RUNX2: variants seen among roughly 807,000 people sequenced by gnomAD.
RUNX2 encodes the protein RUNX family transcription factor 2.
RUNX2 carries 10 observed loss-of-function variants against 51.7 expected under a neutral mutation model. The observed-to-expected ratio is 0.19, with a 90% CI of 0.12 to 0.33. The LOEUF (loss-of-function observed/expected upper bound fraction) is 0.33. Ranked by LOEUF, RUNX2 falls within the 10% of genes least tolerant of loss-of-function variation. The pLI is 1.00. For missense variants in RUNX2, 562 were observed against 691.3 expected, an observed-to-expected ratio of 0.81 and a Z score of 2.10; for synonymous variants, 276 against 273.6, an observed-to-expected ratio of 1.01 and a Z score of -0.09.
At chr6:45,536,013 A>T (rs1563128984) in intron 7 of RUNX2, among the ~76,000 whole-genome samples, 2 of 152,050 alleles carry the variant, frequency 1.3e-5, no homozygotes, top group African/African-American at 4.8e-5. Context: ...ACCTGAGCGA[A>T]AAAGCCTGAC....
intron 5 of RUNX2, among the ~76,000 whole-genome samples, chr6:45,471,069 A>G (rs1563100853): frequency 6.6e-6 from 1 of 152,202 alleles, no homozygotes; most frequent in Non-Finnish European, 1.5e-5. Context: ...GATGATAGAA[A>G]GCCAACCCAG....
chr6:45,467,384 C>T (rs1799664705), intron 5 of RUNX2, among the ~76,000 whole-genome samples: 1 of 152,222 alleles, frequency 6.6e-6, no homozygotes, highest in South Asian at 2.1e-4. Context: ...CGGGTTCAAG[C>T]GATTCACCTA....
intron 2 of RUNX2, among the ~76,000 whole-genome samples, chr6:45,354,506 T>G (rs1418269185): frequency 1.3e-5 from 2 of 152,010 alleles, no homozygotes. Flanking sequence ...AGGATCTCAT[T>G]ACTTCTACTG....
At chr6:45,501,001 G>A (rs1427117908) in intron 6 of RUNX2, among the ~76,000 whole-genome samples, 3 of 152,178 alleles carry the variant, frequency 2.0e-5, no homozygotes, top group African/African-American at 4.8e-5. Flanking sequence ...GAAATTTAAC[G>A]GGGAAATCCG....
At chr6:45,504,735 T>C (rs1800907100) in intron 6 of RUNX2, among the ~76,000 whole-genome samples, 2 of 152,192 alleles carry the variant, frequency 1.3e-5, no homozygotes, top group African/African-American at 4.8e-5. Flanking sequence ...AGATAGGAAA[T>C]GGCAAATCTG....
chr6:45,440,707 G>A (rs1251367204), intron 5 of RUNX2, among the ~76,000 whole-genome samples: 1 of 151,884 alleles, frequency 6.6e-6, no homozygotes, highest in East Asian at 1.9e-4. Context: ...CCTTGGTGAT[G>A]AGACCCAAAT....
intron 5 of RUNX2, among the ~76,000 whole-genome samples, chr6:45,484,437 AT>A (rs1175736443): frequency 2.0e-5 from 3 of 152,238 alleles, no homozygotes; most frequent in Non-Finnish European, 2.9e-5. Context: ...ATTCCTAGAC[AT>A]TCACAAACCA....
intron 2 of RUNX2, among the ~76,000 whole-genome samples, chr6:45,415,683 A>AT (rs1798054018): frequency 6.3e-4 from 1 of 1,582 alleles, no homozygotes; most frequent in African/African-American, 7.7e-3. Flanking sequence ...GCACTGCAGA[A>AT]ACTGCTGTGT....
chr6:45,422,531 C>T (rs1798229707), intron 2 of RUNX2, 62 bp from the exon 3 acceptor site: 1 of 1,435,676 alleles, frequency 7.0e-7, no homozygotes, highest in African/African-American at 1.5e-5. Flanking sequence ...TCATTTCCAC[C>T]CTCCTCCCCC....
At chr6:45,364,785 AC>A (rs1439811044) in intron 2 of RUNX2, among the ~76,000 whole-genome samples, 1 of 152,212 alleles carries the variant, frequency 6.6e-6, no homozygotes, top group Non-Finnish European at 1.5e-5. Flanking sequence ...AATTAGGCTT[AC>A]TGAATTATTA....
intron 3 of RUNX2, among the ~76,000 whole-genome samples, chr6:45,423,454 G>A (rs111913609): frequency 0.023 from 3,449 of 152,186 alleles, 141 homozygotes; most frequent in African/African-American, 0.079. Flanking sequence ...GGGGCTCCGC[G>A]CGCTCTCACC....
chr6:45,485,697 G>A (rs7756472), intron 5 of RUNX2, among the ~76,000 whole-genome samples: 32,743 of 96,604 alleles, frequency 0.34, 6,808 homozygotes, highest in Non-Finnish European at 0.44. Flanking sequence ...GTGTGTGTGT[G>A]TATATATATA....
At chr6:45,440,801 G>A (rs751411621) in intron 5 of RUNX2, among the ~76,000 whole-genome samples, 15 of 151,972 alleles carry the variant, frequency 9.9e-5, no homozygotes, top group Admixed American at 3.3e-4. Context: ...AAATAATTTC[G>A]TGGAAGAAAC....
At chr6:45,538,437 A>G (rs542081849) in intron 7 of RUNX2, among the ~76,000 whole-genome samples, 35 of 152,062 alleles carry the variant, frequency 2.3e-4, no homozygotes, top group Non-Finnish European at 4.0e-4. Flanking sequence ...GGCAGATACC[A>G]TCGCAGGAAA....
At chr6:45,499,001 T>C (rs1366561244) in intron 6 of RUNX2, among the ~76,000 whole-genome samples, 2 of 152,086 alleles carry the variant, frequency 1.3e-5, no homozygotes, top group Admixed American at 1.3e-4. Flanking sequence ...CATAAGAGGC[T>C]CAGATACTGT....
At chr6:45,332,953 A>G (rs1461814293) in intron 2 of RUNX2, among the ~76,000 whole-genome samples, 1 of 151,718 alleles carries the variant, frequency 6.6e-6, no homozygotes, top group East Asian at 1.9e-4. Context: ...CACTGAAGAT[A>G]GATAAAATTC....
At chr6:45,396,162 A>G (rs1296772816) in intron 2 of RUNX2, among the ~76,000 whole-genome samples, 1 of 152,236 alleles carries the variant, frequency 6.6e-6, no homozygotes, top group East Asian at 1.9e-4. Flanking sequence ...TAAGCATTTT[A>G]TAAAATGGAA....
rs886061493 is a variant in RUNX2, at chr6:45,422,768, G to A, written c.234G>A (p.Ala78=). ...QQQQEAAAAA[A]AAAAAAAAAA... is the part of the protein sequence containing the mutation. ...AGCAGGAGGCGGCGGCGGCGGCTGC[G>A]GCGGCGGCGGCGGCTGCGGCGGCGG... The change falls in exon 3 of 9, where the codon GCG becomes GCA. Residue 78 remains alanine, a synonymous_variant. Transcript: ENST00000647337. 19 of 1,343,714 alleles carry A rather than the reference G, an allele frequency of 1.4e-5. No homozygotes were observed. The South Asian group carries it at 3.0e-4, about 21-fold the overall frequency. The allele number at this position is 1,343,714 out of a possible 1,614,324, so 83.2% of individuals were successfully genotyped here. A position where few individuals can be genotyped will look rare whatever the true frequency, so the allele number is the denominator to read the frequency against.
chr6:45,484,837 G>A (rs1181370099), intron 5 of RUNX2, among the ~76,000 whole-genome samples: 96 of 152,230 alleles, frequency 6.3e-4, no homozygotes, highest in Non-Finnish European at 1.6e-4. Flanking sequence ...GATTAGAAGT[G>A]AAGGATCTCA....
Sources: gnomAD v4.1 joint callset for allele counts (sites outside exome capture counted in the v4.1 genomes callset) on GRCh38, gnomAD v4.1.1 for gene constraint, MANE v1.5 for transcripts, NCBI Gene and HGNC (gene_info 2026-07-23, HGNC 2026-07-21) for gene names.